The following CNTNAP2 variants were observed in gnomAD, a reference collection of about 807,000 sequenced individuals.
CNTNAP2 encodes contactin-associated protein-like 2.
Under a neutral mutation model 155.2 loss-of-function variants are expected in CNTNAP2, and 98 were observed. The ratio of observed to expected loss-of-function variants is 0.63; its 90% CI spans 0.54 to 0.75. CNTNAP2 has a LOEUF of 0.75. Ranked by LOEUF, CNTNAP2 falls within the 30% of genes least tolerant of loss-of-function variation. The pLI is 0.00. For synonymous variants in CNTNAP2, 651 were observed against 631.2 expected, an observed-to-expected ratio of 1.03 and a Z score of -0.47; for missense variants, 1,727 against 1,688.1, an observed-to-expected ratio of 1.02 and a Z score of -0.40.
intron 1 of CNTNAP2, among the ~76,000 whole-genome samples, chr7:146,525,064 T>C (rs1221781085): frequency 6.6e-6 from 1 of 152,058 alleles, no homozygotes; most frequent in African/African-American, 2.4e-5. Context: ...ATAAAAAGTA[T>C]AGAAGGTCAG....
intron 2 of CNTNAP2, among the ~76,000 whole-genome samples, chr7:146,838,163 T>C (rs183432729): frequency 5.9e-5 from 9 of 152,294 alleles, no homozygotes; most frequent in Admixed American, 3.3e-4. Flanking sequence ...CTGAACTCTG[T>C]TTGGGATCAT....
intron 8 of CNTNAP2, among the ~76,000 whole-genome samples, chr7:147,277,519 G>A (rs1248805697): frequency 6.6e-6 from 1 of 151,916 alleles, no homozygotes; most frequent in East Asian, 1.9e-4. Context: ...GAACTCCTGA[G>A]TTTAGCCATT....
In CNTNAP2 at chr7:148,017,394, A is replaced by G. The variant is rs964606503; in HGVS notation, c.2383+39405A>G. On this transcript the variant is annotated intron_variant, in intron 15 of 23. Transcript: ENST00000361727. Reference sequence around the variant, plus strand: ...AGAGAACAAAATTATTTGTGTTTACATGAGACTTGGAATTGTTAAAATTTT... The same window carrying G: ...AGAGAACAAAATTATTTGTGTTTACGTGAGACTTGGAATTGTTAAAATTTT... Among the ~76,000 whole-genome samples, 102 of 152,344 alleles carry G rather than the reference A, an allele frequency of 6.7e-4. 1 individual carries two copies. The highest frequency in any genetic ancestry group is 2.2e-3 in the African/African-American group (92 of 41,588).
At chr7:147,619,829 G>A (rs374099320) in intron 12 of CNTNAP2, among the ~76,000 whole-genome samples, 86 of 152,284 alleles carry the variant, frequency 5.6e-4, no homozygotes, top group African/African-American at 1.9e-3. Flanking sequence ...AGCCTTGAGC[G>A]AACATAGGCA....
chr7:146,670,611 T>G (rs1205902917), intron 1 of CNTNAP2, among the ~76,000 whole-genome samples: 1 of 152,182 alleles, frequency 6.6e-6, no homozygotes, highest in African/African-American at 2.4e-5. Flanking sequence ...GCAATCCACT[T>G]TAATGTATTC....
At chr7:148,075,245 T>A (rs141891563) in intron 15 of CNTNAP2, among the ~76,000 whole-genome samples, 6,119 of 152,236 alleles carry the variant, frequency 0.04, 159 homozygotes, top group Non-Finnish European at 0.056. Context: ...AAGATCAGCC[T>A]GGCCAACATG....
chr7:147,490,121 C>T (rs767275658), intron 11 of CNTNAP2, among the ~76,000 whole-genome samples: 7 of 152,058 alleles, frequency 4.6e-5, no homozygotes, highest in African/African-American at 9.7e-5. Flanking sequence ...AATATTTTTG[C>T]AGATCTTTTT....
intron 1 of CNTNAP2, among the ~76,000 whole-genome samples, chr7:146,174,870 G>C (rs1240424290): frequency 6.6e-6 from 1 of 151,958 alleles, no homozygotes; most frequent in Non-Finnish European, 1.5e-5. Context: ...TATAAAGAAA[G>C]CACCCAGAGG....
At chr7:146,721,653 TCTATATACATTCTATATATATA>T in intron 1 of CNTNAP2, among the ~76,000 whole-genome samples, 1 of 102,290 alleles carries the variant, frequency 9.8e-6, no homozygotes, top group Non-Finnish European at 1.7e-5. Flanking sequence ...CTATATATAT[TCTATATACATTCTATATATATA>T]CTATATACAT....
chr7:146,875,881 AAC>A (rs772485537), intron 3 of CNTNAP2, among the ~76,000 whole-genome samples: 67 of 139,120 alleles, frequency 4.8e-4, no homozygotes, highest in East Asian at 4.7e-3. Flanking sequence ...CCTTATCTTA[AAC>A]ACACACACAC....
intron 8 of CNTNAP2, among the ~76,000 whole-genome samples, chr7:147,140,317 C>T (rs1801567100): frequency 6.6e-6 from 1 of 151,988 alleles, no homozygotes; most frequent in Admixed American, 6.6e-5. Context: ...CTTGCTACCC[C>T]TAGACGTACA....
chr7:146,858,675 A>G (rs1795039214), intron 3 of CNTNAP2, among the ~76,000 whole-genome samples: 1 of 152,166 alleles, frequency 6.6e-6, no homozygotes, highest in South Asian at 2.1e-4. Flanking sequence ...GCCTGGGGCA[A>G]CAGAGTGAGA....
At chr7:147,366,073 T>G (rs958861822) in intron 9 of CNTNAP2, among the ~76,000 whole-genome samples, 2 of 152,206 alleles carry the variant, frequency 1.3e-5, no homozygotes, top group African/African-American at 4.8e-5. Context: ...TAGATTCTCC[T>G]GGGTACCTGG....
At position 146,685,057 on chromosome 7, in the gene CNTNAP2, A is replaced by G. The variant is rs139980280; in HGVS notation, c.98-89214A>G. 4.2e-3 allele frequency among the ~76,000 whole-genome samples: 635 copies of G among 152,298 alleles called. 1 individual carries two copies. Among genetic ancestry groups the G allele is most frequent in the African/African-American group, 0.015 (608 of 41,564 alleles). ...GAGTATTTTAGTCCTCATAAATAAT[A>G]AAAACAAGAATGATGCACAGGTACC... On this transcript the variant is annotated intron_variant, in intron 1 of 23. Coordinates refer to ENST00000361727, the MANE Select transcript of CNTNAP2 (RefSeq NM_014141.6).
chr7:146,619,491 T>C (rs896955450), intron 1 of CNTNAP2, among the ~76,000 whole-genome samples: 1 of 152,214 alleles, frequency 6.6e-6, no homozygotes, highest in African/African-American at 2.4e-5. Flanking sequence ...AAAAGTAGTC[T>C]ATTCAATCAT....
chr7:147,576,862 C>T (rs1370082942), intron 12 of CNTNAP2, among the ~76,000 whole-genome samples: 2 of 152,022 alleles, frequency 1.3e-5, no homozygotes, highest in East Asian at 3.9e-4. Context: ...GCCAACCCCC[C>T]TATGAAGTGT....
chr7:147,353,368 A>G (rs183546828), intron 9 of CNTNAP2, among the ~76,000 whole-genome samples: 1,612 of 151,276 alleles, frequency 0.011, 32 homozygotes, highest in African/African-American at 0.036. Flanking sequence ...TCATTGTTCA[A>G]CTCTCACTTA....
chr7:147,466,840 C>T (rs1017136130), intron 10 of CNTNAP2, among the ~76,000 whole-genome samples: 1 of 152,034 alleles, frequency 6.6e-6, no homozygotes, highest in Non-Finnish European at 1.5e-5. Flanking sequence ...ATCACTTGAA[C>T]CCCAGGAGGC....
intron 21 of CNTNAP2, among the ~76,000 whole-genome samples, chr7:148,330,597 TGAAGTGGAC>T: frequency 7.8e-6 from 1 of 128,852 alleles, no homozygotes; most frequent in East Asian, 5.8e-4. Context: ...AGTGGACGGA[TGAAGTGGAC>T]GGATGGAATG....
Sources: allele counts gnomAD v4.1 joint callset (sites outside exome capture counted in the v4.1 genomes callset), GRCh38; gene constraint gnomAD v4.1.1; transcripts MANE v1.5; gene names NCBI Gene and HGNC (gene_info 2026-07-23, HGNC 2026-07-21).